The following PCDHGA6 variants were observed in gnomAD, a reference collection of about 807,000 sequenced individuals.
The protein encoded by PCDHGA6 is protocadherin gamma-A6.
A neutral mutation model predicts 60.6 loss-of-function variants in PCDHGA6; 41 were observed. That is an observed-to-expected ratio of 0.68 (90% CI 0.53 to 0.88). PCDHGA6 has a LOEUF of 0.88. Ranked by LOEUF, PCDHGA6 falls within the 40% of genes least tolerant of loss-of-function variation. PCDHGA6 has a pLI of 0.00. For synonymous variants in PCDHGA6, 594 were observed against 524.4 expected (o/e 1.13, Z -1.81); for missense variants, 1,312 against 1,203.0 (o/e 1.09, Z -1.34).
chr5:141,397,978 C>T (rs2093593315), intron 1 of PCDHGA6: 3 of 1,261,604 alleles, frequency 2.4e-6, no homozygotes, highest in Admixed American at 2.8e-5. Flanking sequence ...CAGCGCCGGC[C>T]TTTACACCGC....
At chr5:141,419,729 G>A in intron 1 of PCDHGA6, 1 of 1,613,758 alleles carries the variant, frequency 6.2e-7, no homozygotes, top group Non-Finnish European at 8.5e-7. Context: ...GCTGCGAACA[G>A]GCGAGGTGCG....
At chr5:141,505,552 T>C (rs920594597) in intron 3 of PCDHGA6, 71 bp downstream of exon 3, 8 of 1,608,230 alleles carry the variant, frequency 5.0e-6, no homozygotes, top group Non-Finnish European at 6.8e-6. Context: ...ACAGCCACCA[T>C]GCCCACGGAC....
chr5:141,441,882 C>A, intron 1 of PCDHGA6: 1 of 343,664 alleles, frequency 2.9e-6, no homozygotes, highest in South Asian at 2.6e-5. Context: ...GCTACCTGGT[C>A]ACCAAGGTGG....
intron 1 of PCDHGA6, chr5:141,439,815 T>C (rs1027862858): frequency 5.3e-5 from 8 of 152,314 alleles, no homozygotes; most frequent in African/African-American, 1.9e-4. Flanking sequence ...AAGGGGCTTA[T>C]TTGGGCTGGA....
chr5:141,404,676 T>G lies in PCDHGA6; in HGVS notation c.2424+28169T>G, dbSNP rs904942152. The stretch of plus-strand genomic sequence containing the variant: ...CTCCCCACTGATGGTTCTACTGGTG[T>G]GGAGCTGGCACCCCGCTCTGCAGAG... On this transcript the variant is annotated intron_variant, in intron 1 of 3. Transcript: ENST00000517434. 3.1e-6 allele frequency: 5 copies of G among 1,614,010 alleles called. No individual in the cohort carries two copies. In the African/African-American group the frequency reaches 6.7e-5, roughly 22 times the overall value.
intron 1 of PCDHGA6, 82 bp from the exon 2 acceptor site, chr5:141,494,725 C>T: frequency 6.2e-7 from 1 of 1,610,026 alleles, no homozygotes; most frequent in Middle Eastern, 1.7e-4. Context: ...CCCTCCTTCT[C>T]TCCCGGCCCA....
intron 3 of PCDHGA6, among the ~76,000 whole-genome samples, chr5:141,508,871 A>T (rs981330486): frequency 5.3e-5 from 8 of 152,062 alleles, no homozygotes; most frequent in East Asian, 3.9e-4. Flanking sequence ...AAGGCTGAAG[A>T]GGCTGACGGC....
At position 141,476,980 on chromosome 5, in the gene PCDHGA6, C is replaced by T; in HGVS notation, c.2425-17827C>T. 6.2e-7 allele frequency: 1 copy of T among 1,614,232 alleles called. No individual in the cohort carries two copies. Among genetic ancestry groups the T allele is most frequent in the Non-Finnish European group, 8.5e-7 (1 of 1,180,044 alleles). On this transcript the variant is annotated intron_variant, in intron 1 of 3. Coordinates refer to ENST00000517434, the MANE Select transcript of PCDHGA6 (RefSeq NM_018919.3). This position sits in a 1 kb window ranked among gnomAD's most constrained non-coding sequence, Gnocchi z 7.6. Reference sequence around the variant, plus strand: ...TTTACTCCTTCGGCAGCCACAACCGCGCCGGCGTGCGGCAACTATTCGCCT... The same window carrying T: ...TTTACTCCTTCGGCAGCCACAACCGTGCCGGCGTGCGGCAACTATTCGCCT...
Position 141,489,690 on chromosome 5 carries a change from A to T in PCDHGA6, c.2425-5117A>T. The T allele has an allele frequency of 6.2e-7, 1 of 1,614,198 alleles. No individual in the cohort carries two copies. The highest frequency in any genetic ancestry group is 8.5e-7 in the Non-Finnish European group (1 of 1,180,024). ...TCTCAGAATCAGCAGCATCTGGGGC[A>T]CGATTCCCACTGGACAGTGCCCAGG... On this transcript the variant is annotated intron_variant, in intron 1 of 3. Coordinates refer to ENST00000517434, the MANE Select transcript of PCDHGA6 (RefSeq NM_018919.3). The surrounding 1 kb of genome is among the most constrained non-coding windows in gnomAD (Gnocchi z 4.5).
intron 1 of PCDHGA6, chr5:141,418,648 A>G (rs1387887578): frequency 1.2e-6 from 2 of 1,614,036 alleles, no homozygotes; most frequent in Non-Finnish European, 1.7e-6. Flanking sequence ...CCATCCTGAG[A>G]GTGAAGGCCA....
intron 1 of PCDHGA6, among the ~76,000 whole-genome samples, chr5:141,480,106 A>C (rs1466691134): frequency 6.6e-6 from 1 of 152,196 alleles, no homozygotes; most frequent in Non-Finnish European, 1.5e-5. Context: ...AGTGTTTAGC[A>C]TGGTGCCTGG....
chr5:141,430,952 C>T, intron 1 of PCDHGA6: 2 of 1,610,382 alleles, frequency 1.2e-6, no homozygotes, highest in Non-Finnish European at 1.7e-6. Flanking sequence ...GCGCGGAGTC[C>T]GCATCATCCC....
chr5:141,441,631 C>A, intron 1 of PCDHGA6: 2 of 226,308 alleles, frequency 8.8e-6, no homozygotes, highest in Non-Finnish European at 1.8e-5. Context: ...GACCTGGAGC[C>A]ACAGGCGCTG....
Position 141,384,659 on chromosome 5 carries a change from T to A in PCDHGA6, c.2424+8152T>A, listed in dbSNP as rs375759581. ...CCCCGCTCCGCAGAGCCCGGCTACC[T>A]GGTGACCAAGGTGGTGGCGGTGGAC... is the stretch of plus-strand genomic sequence containing the variant. On this transcript the variant is annotated intron_variant, in intron 1 of 3. Transcript: ENST00000517434. The A allele has an allele frequency of 3.1e-6, 5 of 1,614,076 alleles. No individual in the cohort carries two copies. In the African/African-American group the frequency reaches 6.7e-5, roughly 22 times the overall value.
At chr5:141,422,041 G>T in intron 1 of PCDHGA6, 3 of 1,611,632 alleles carry the variant, frequency 1.9e-6, no homozygotes, top group South Asian at 1.1e-5. Context: ...GGATCCAGAC[G>T]AGGGAATCAA....
Position 141,485,778 on chromosome 5 carries a change from G to C in PCDHGA6, c.2425-9029G>C. 1 of 1,614,216 alleles carries C rather than the reference G, an allele frequency of 6.2e-7. No homozygotes were observed. Among genetic ancestry groups the C allele is most frequent in the Non-Finnish European group, 8.5e-7 (1 of 1,180,048 alleles). On this transcript the variant is annotated intron_variant, in intron 1 of 3. Transcript: ENST00000517434. The surrounding 1 kb of genome is among the most constrained non-coding windows in gnomAD (Gnocchi z 5.7). ...CTGCTCCTGGAGAAGCCTTTGGATCGAGAGAAGCAATCGGACTACCGCCTG... is the reference window on the plus strand; with the variant it reads ...CTGCTCCTGGAGAAGCCTTTGGATCCAGAGAAGCAATCGGACTACCGCCTG...
At chr5:141,463,103 A>G (rs1235750988) in intron 1 of PCDHGA6, among the ~76,000 whole-genome samples, 1 of 152,206 alleles carries the variant, frequency 6.6e-6, no homozygotes, top group African/African-American at 2.4e-5. Context: ...GTGACCATCA[A>G]GAATTCAGCT....
intron 1 of PCDHGA6, chr5:141,417,977 G>A (rs752463782): frequency 6.2e-7 from 1 of 1,613,872 alleles, no homozygotes; most frequent in Admixed American, 1.7e-5. Flanking sequence ...GATTCCGGAG[G>A]AGCTGGCCAA....
intron 1 of PCDHGA6, among the ~76,000 whole-genome samples, chr5:141,482,723 A>G (rs1441054551): frequency 2.3e-5 from 3 of 128,892 alleles, no homozygotes; most frequent in Non-Finnish European, 4.9e-5. Context: ...GGGAGGGGCC[A>G]TTGCAAGAAA....
Sources: allele counts gnomAD v4.1 joint callset (sites outside exome capture counted in the v4.1 genomes callset), GRCh38; gene constraint gnomAD v4.1.1; non-coding constraint Gnocchi (gnomAD v3.1); transcripts MANE v1.5; gene names NCBI Gene and HGNC (gene_info 2026-07-23, HGNC 2026-07-21).